WWC2: variants seen among roughly 807,000 people sequenced by gnomAD.
WWC2 encodes protein WWC2.
WWC2 carries 101 observed loss-of-function variants against 138.5 expected under a neutral mutation model. The ratio of observed to expected loss-of-function variants is 0.73; its 90% CI spans 0.62 to 0.86. The LOEUF (loss-of-function observed/expected upper bound fraction) is 0.86, where lower values mean the gene tolerates loss of function less well. WWC2 is among the 40% of genes least tolerant of loss of function. The pLI is 0.00. For synonymous variants in WWC2, 558 were observed against 538.4 expected (o/e 1.04, Z -0.50); for missense variants, 1,420 against 1,419.4 (o/e 1.00, Z -0.01).
chr4:183,293,422 A>T (rs1315758185), intron 21 of WWC2, among the ~76,000 whole-genome samples: 1 of 152,258 alleles, frequency 6.6e-6, no homozygotes, highest in Non-Finnish European at 1.5e-5. Context: ...AAGTATTGAG[A>T]AAAGTCAGTG....
chr4:183,257,895 C>T (rs2111350714), intron 9 of WWC2, among the ~76,000 whole-genome samples: 1 of 152,256 alleles, frequency 6.6e-6, no homozygotes, highest in East Asian at 1.9e-4. Flanking sequence ...ATTGTAGGAG[C>T]TAAGTGGGAA....
intron 7 of WWC2, among the ~76,000 whole-genome samples, chr4:183,249,307 C>T (rs964458174): frequency 2.6e-5 from 4 of 152,030 alleles, no homozygotes; most frequent in African/African-American, 7.2e-5. Flanking sequence ...TTATATCTGC[C>T]ATTTAAATAT....
intron 4 of WWC2, among the ~76,000 whole-genome samples, chr4:183,213,291 C>CGAT (rs1247521567): frequency 6.6e-6 from 1 of 152,178 alleles, no homozygotes; most frequent in Non-Finnish European, 1.5e-5. Flanking sequence ...TTGGCAGAGT[C>CGAT]TGTTAGATTT....
intron 11 of WWC2, among the ~76,000 whole-genome samples, chr4:183,263,961 C>T (rs981659208): frequency 6.6e-6 from 1 of 152,076 alleles, no homozygotes; most frequent in African/African-American, 2.4e-5. Context: ...ACACCAACCA[C>T]GTTGGAATAA....
chr4:183,259,404 C>A (rs1382161044), intron 9 of WWC2, among the ~76,000 whole-genome samples: 1 of 152,102 alleles, frequency 6.6e-6, no homozygotes, highest in African/African-American at 2.4e-5. Flanking sequence ...AGGCTACCAG[C>A]AATTTTAAAT....
intron 1 of WWC2, among the ~76,000 whole-genome samples, chr4:183,127,811 CAT>C (rs1732805249): frequency 6.6e-6 from 1 of 151,838 alleles, no homozygotes; most frequent in Non-Finnish European, 1.5e-5. Flanking sequence ...AAATTGAAAA[CAT>C]ATATATGTAA....
intron 1 of WWC2, among the ~76,000 whole-genome samples, chr4:183,182,295 A>C (rs1734654529): frequency 6.6e-6 from 1 of 152,178 alleles, no homozygotes; most frequent in Admixed American, 6.5e-5. Context: ...TGAATACTGA[A>C]GCCTCTTCTA....
rs887917265 is a variant in WWC2 at position 183,285,293 on chromosome 4, T to A, written c.3049-674T>A. Among the ~76,000 whole-genome samples the A allele has an allele frequency of 8.5e-5, 13 of 152,302 alleles. No individual in the cohort carries two copies. The East Asian group carries it at 2.1e-3, about 25-fold the overall frequency. ...TGTGGGCTATCTGGGCCGAGAGCGT[T>A]CTAGATAGCACAGACTGTGTCTCAA... On this transcript the variant is annotated intron_variant, in intron 19 of 22. Transcript: ENST00000403733.
At chr4:183,193,511 C>T (rs1365792742) in intron 1 of WWC2, 88 bp from the exon 2 acceptor site, 2 of 1,116,344 alleles carry the variant, frequency 1.8e-6, no homozygotes, top group Admixed American at 2.1e-5. Context: ...TTAAATGCAA[C>T]CTAGACACTT....
At chr4:183,127,967 C>T (rs1732809734) in intron 1 of WWC2, among the ~76,000 whole-genome samples, 1 of 150,632 alleles carries the variant, frequency 6.6e-6, no homozygotes, top group South Asian at 2.1e-4. Context: ...TATAATTATA[C>T]TAAGTGAAAT....
intron 1 of WWC2, among the ~76,000 whole-genome samples, chr4:183,100,052 G>A (rs1743120176): frequency 6.6e-6 from 1 of 152,224 alleles, no homozygotes; most frequent in South Asian, 2.1e-4. Flanking sequence ...GCATCCCTCA[G>A]GCCGTCCTTG....
At chr4:183,259,021 C>T (rs971797826) in intron 9 of WWC2, among the ~76,000 whole-genome samples, 2 of 151,920 alleles carry the variant, frequency 1.3e-5, no homozygotes, top group African/African-American at 2.4e-5. Context: ...TATGATAGTC[C>T]GACGCGGATG....
chr4:183,311,868 C>T (rs1273629349), intron 21 of WWC2, among the ~76,000 whole-genome samples: 1 of 151,984 alleles, frequency 6.6e-6, no homozygotes, highest in Non-Finnish European at 1.5e-5. Context: ...TGAGCCACCG[C>T]ACCCGGCATG....
chr4:183,102,315 T>A (rs554404410), intron 1 of WWC2, among the ~76,000 whole-genome samples: 15 of 152,330 alleles, frequency 9.8e-5, no homozygotes, highest in Non-Finnish European at 2.1e-4. Context: ...CATTCCAGTT[T>A]AGGAACTGAG....
At chr4:183,223,795 A>C (rs111750640) in intron 4 of WWC2, among the ~76,000 whole-genome samples, 2 of 152,140 alleles carry the variant, frequency 1.3e-5, no homozygotes, top group Non-Finnish European at 2.9e-5. Flanking sequence ...CAGTGCGGCA[A>C]TCTCGGCTCA....
chr4:183,212,757 C>T (rs1735640348), intron 4 of WWC2, among the ~76,000 whole-genome samples: 1 of 152,070 alleles, frequency 6.6e-6, no homozygotes. Context: ...GGAAATGGAG[C>T]CTCATCCCAA....
In WWC2 at chr4:183,265,912, G is replaced by T. The variant is rs780383081; in HGVS notation, c.2168G>T (p.Arg723Leu). ...SSFMVIIAQL[R>L]NLHAFLIPHT... Reference sequence around the variant, plus strand: ...TTCATGGTGATTATAGCACAGCTCCGAAACCTTCATGCCTTCTTGATACCT... The same window carrying T: ...TTCATGGTGATTATAGCACAGCTCCTAAACCTTCATGCCTTCTTGATACCT... Residue 723 changes from arginine (R) to leucine (L), a missense_variant, in exon 14 of 23, where the codon CGA (arginine) becomes CTA (leucine). Transcript: ENST00000403733. 1 of 1,613,184 alleles carries T rather than the reference G, an allele frequency of 6.2e-7. No individual in the cohort carries two copies. The highest frequency in any genetic ancestry group is 8.5e-7 in the Non-Finnish European group (1 of 1,179,660).
At chr4:183,104,991 G>A (rs1359342793) in intron 1 of WWC2, among the ~76,000 whole-genome samples, 1 of 152,114 alleles carries the variant, frequency 6.6e-6, no homozygotes, top group Admixed American at 6.5e-5. Flanking sequence ...ACTACAACCT[G>A]TGCCTCCTGA....
At chr4:183,177,667 AAG>A (rs1247482554) in intron 1 of WWC2, among the ~76,000 whole-genome samples, 1 of 152,194 alleles carries the variant, frequency 6.6e-6, no homozygotes, top group Non-Finnish European at 1.5e-5. Context: ...TAGAAAAAAA[AAG>A]AGTAACATTT....
Sources: allele counts gnomAD v4.1 joint callset (sites outside exome capture counted in the v4.1 genomes callset), GRCh38; gene constraint gnomAD v4.1.1; transcripts MANE v1.5; gene names NCBI Gene and HGNC (gene_info 2026-07-23, HGNC 2026-07-21).